PRKN: variants seen among roughly 807,000 people sequenced by gnomAD.
PRKN encodes E3 ubiquitin-protein ligase parkin.
PRKN carries 56 observed loss-of-function variants against 59.5 expected under a neutral mutation model. The ratio of observed to expected loss-of-function variants is 0.94; its 90% CI spans 0.76 to 1.18. PRKN has a LOEUF of 1.18. Ranked by LOEUF, PRKN falls within the 50% of genes most tolerant of loss-of-function variation. PRKN has a pLI of 0.00. For synonymous variants in PRKN, 250 were observed against 222.1 expected (o/e 1.13, Z -1.12); for missense variants, 657 against 596.4 (o/e 1.10, Z -1.06).
chr6:162,688,794 G>C (rs1777660564), intron 1 of PRKN, among the ~76,000 whole-genome samples: 1 of 152,118 alleles, frequency 6.6e-6, no homozygotes, highest in Non-Finnish European at 1.5e-5. Flanking sequence ...GAATATACTT[G>C]AAAAGGATCA....
At chr6:162,431,173 A>C (rs9365424) in intron 2 of PRKN, among the ~76,000 whole-genome samples, 17,550 of 144,022 alleles carry the variant, frequency 0.12, 1,401 homozygotes, top group African/African-American at 0.25. Flanking sequence ...TATCCCATTT[A>C]GTTGCTAAAA....
At chr6:161,814,713 G>A (rs1170333197) in intron 6 of PRKN, among the ~76,000 whole-genome samples, 2 of 152,100 alleles carry the variant, frequency 1.3e-5, no homozygotes, top group East Asian at 3.9e-4. Flanking sequence ...TGTTGGTCAG[G>A]CTGGTCTCGA....
chr6:162,528,759 C>A (rs1583733927), intron 1 of PRKN, among the ~76,000 whole-genome samples: 2 of 152,108 alleles, frequency 1.3e-5, no homozygotes, highest in Admixed American at 1.3e-4. Context: ...CACAGCGCCA[C>A]TGAACTCCAG....
intron 1 of PRKN, among the ~76,000 whole-genome samples, chr6:162,608,434 T>G (rs1174576262): frequency 6.6e-6 from 1 of 152,102 alleles, no homozygotes; most frequent in East Asian, 1.9e-4. Context: ...ATGCTAAATC[T>G]CCCAGGATAA....
chr6:162,689,846 C>T (rs1002187033), intron 1 of PRKN, among the ~76,000 whole-genome samples: 1 of 152,184 alleles, frequency 6.6e-6, no homozygotes, highest in Admixed American at 6.5e-5. Context: ...CAGCCTGTGA[C>T]TGCATGCCCT....
intron 9 of PRKN, among the ~76,000 whole-genome samples, chr6:161,464,228 G>C (rs1790340551): frequency 1.3e-5 from 2 of 152,136 alleles, no homozygotes; most frequent in South Asian, 4.1e-4. Context: ...TGGTCAGGCT[G>C]GTCTTATACT....
intron 3 of PRKN, among the ~76,000 whole-genome samples, chr6:162,229,557 GGCT>G (rs1358117880): frequency 6.6e-6 from 1 of 152,116 alleles, no homozygotes; most frequent in Non-Finnish European, 1.5e-5. Context: ...ACCTGCTGAT[GGCT>G]ACCTATGCAT....
chr6:161,669,125 T>C (rs1784821396), intron 7 of PRKN, among the ~76,000 whole-genome samples: 2 of 152,120 alleles, frequency 1.3e-5, no homozygotes, highest in African/African-American at 4.8e-5. Context: ...CTATGGGAAG[T>C]CACAGCAAAA....
chr6:162,050,468 C>A (rs567750170), intron 5 of PRKN, among the ~76,000 whole-genome samples: 7 of 48,836 alleles, frequency 1.4e-4, no homozygotes, highest in African/African-American at 6.0e-4. Flanking sequence ...ATATTTCACC[C>A]CCTCTCTTTT....
intron 6 of PRKN, among the ~76,000 whole-genome samples, chr6:161,862,612 A>G (rs1384960058): frequency 2.0e-5 from 3 of 152,148 alleles, no homozygotes; most frequent in Non-Finnish European, 4.4e-5. Flanking sequence ...ACGGGGTAAA[A>G]AAAAAAGATT....
At chr6:162,429,942 T>A (rs1181507218) in intron 2 of PRKN, among the ~76,000 whole-genome samples, 1 of 152,186 alleles carries the variant, frequency 6.6e-6, no homozygotes, top group Non-Finnish European at 1.5e-5. Context: ...ATTTGTTTAG[T>A]CACAGCAAAT....
chr6:162,378,944 T>C (rs1340200316), intron 2 of PRKN, among the ~76,000 whole-genome samples: 1 of 152,176 alleles, frequency 6.6e-6, no homozygotes, highest in East Asian at 1.9e-4. Context: ...ATTTATTTAA[T>C]GGAAGCTTGG....
In PRKN at chr6:161,548,022, C is replaced by G. The variant is rs1163299692; in HGVS notation, c.1083+832G>C. Among the ~76,000 whole-genome samples, 1 of 152,240 alleles carries G rather than the reference C, an allele frequency of 6.6e-6. No homozygotes were observed. Among genetic ancestry groups the G allele is most frequent in the Non-Finnish European group, 1.5e-5 (1 of 68,040 alleles). ...CAAATCAAGACTGGCTAATACAACT[C>G]TGCTATCTGTGCTCCTTCTTGCACA... On this transcript the variant is annotated intron_variant, in intron 9 of 11. Coordinates refer to ENST00000366898, the MANE Select transcript of PRKN (RefSeq NM_004562.3). The surrounding 1 kb of genome is among the most constrained non-coding windows in gnomAD (Gnocchi z 4.2).
intron 5 of PRKN, among the ~76,000 whole-genome samples, chr6:162,011,243 A>ATTATATAC (rs1562458470): frequency 6.5e-3 from 24 of 3,698 alleles, no homozygotes; most frequent in Non-Finnish European, 0.012. Context: ...ATAATTTATA[A>ATTATATAC]TATATATAAT....
chr6:161,947,925 G>A (rs1185185453), intron 6 of PRKN, among the ~76,000 whole-genome samples: 1 of 136,008 alleles, frequency 7.4e-6, no homozygotes, highest in African/African-American at 2.5e-5. Flanking sequence ...ATTTCAGGCT[G>A]AGAATATCTA....
chr6:161,711,681 C>G (rs551872878), intron 7 of PRKN, among the ~76,000 whole-genome samples: 35 of 152,254 alleles, frequency 2.3e-4, no homozygotes, highest in South Asian at 1.7e-3. Context: ...CTGGGAGAAG[C>G]AGACACCCTC....
intron 4 of PRKN, among the ~76,000 whole-genome samples, chr6:162,168,451 T>G (rs1191148188): frequency 2.6e-5 from 4 of 151,364 alleles, no homozygotes; most frequent in Admixed American, 6.6e-5. Flanking sequence ...CTTTTAATAT[T>G]CTTTGCATTA....
intron 1 of PRKN, among the ~76,000 whole-genome samples, chr6:162,474,346 A>G (rs1418814713): frequency 6.6e-6 from 1 of 152,238 alleles, no homozygotes; most frequent in East Asian, 1.9e-4. Flanking sequence ...TCTCCTGCAC[A>G]TGTTGAATGA....
At chr6:161,934,267 G>A (rs1030407794) in intron 6 of PRKN, among the ~76,000 whole-genome samples, 2 of 152,078 alleles carry the variant, frequency 1.3e-5, no homozygotes, top group Non-Finnish European at 2.9e-5. Context: ...TTTTCTTGAG[G>A]CATCCCCAGA....
Sources: gnomAD v4.1 joint callset for allele counts (sites outside exome capture counted in the v4.1 genomes callset) on GRCh38, gnomAD v4.1.1 for gene constraint, Gnocchi (gnomAD v3.1) non-coding constraint, MANE v1.5 for transcripts, NCBI Gene and HGNC (gene_info 2026-07-23, HGNC 2026-07-21) for gene names.